The following BRK1 variants were observed in gnomAD, a reference collection of about 807,000 sequenced individuals.
BRK1 encodes the protein protein BRICK1.
In BRK1, 6 loss-of-function variants were observed where a neutral mutation model predicts 9.9. That is an observed-to-expected ratio of 0.60 (90% CI 0.33 to 1.19). The LOEUF (loss-of-function observed/expected upper bound fraction) is 1.19. Ranked by LOEUF, BRK1 falls within the 50% of genes most tolerant of loss-of-function variation. The pLI is 0.04. For synonymous variants in BRK1, 44 were observed against 31.9 expected, an observed-to-expected ratio of 1.38 and a Z score of -1.28; for missense variants, 62 against 97.5, an observed-to-expected ratio of 0.64 and a Z score of 1.53.
chr3:10,123,975 T>G (rs1362818924), intron 1 of BRK1, among the ~76,000 whole-genome samples: 2 of 150,876 alleles, frequency 1.3e-5, no homozygotes, highest in Non-Finnish European at 2.9e-5. Context: ...CCTCAGTTGA[T>G]CTGCCCACCT....
chr3:10,122,213 G>C (rs1329240162), intron 1 of BRK1, among the ~76,000 whole-genome samples: 2 of 151,918 alleles, frequency 1.3e-5, no homozygotes, highest in African/African-American at 4.8e-5. Flanking sequence ...ATGAGCCACC[G>C]CGCCTGGCCA....
chr3:10,126,098 C>T (rs1695835796), intron 2 of BRK1, among the ~76,000 whole-genome samples, 171 bp from the exon 3 acceptor site: 1 of 152,066 alleles, frequency 6.6e-6, no homozygotes, highest in Non-Finnish European at 1.5e-5. Flanking sequence ...CTCAAAAAAA[C>T]AAAAGAAGAG....
chr3:10,122,549 C>A lies in BRK1; in HGVS notation c.119-3077C>A, dbSNP rs57268864. 0.16 allele frequency among the ~76,000 whole-genome samples: 24,469 copies of A among 151,110 alleles called. 2,498 individuals carry two copies. Among genetic ancestry groups the A allele is most frequent in the African/African-American group, 0.29 (11,826 of 41,006 alleles). On this transcript the variant is annotated intron_variant, in intron 1 of 2. Coordinates refer to ENST00000530758, the MANE Select transcript of BRK1 (RefSeq NM_018462.5). ...AGTGAGACCCCCATATCTACCAAAA[C>A]AAAAAACAAAAAAATTAGCCAGGCA...
chr3:10,120,806 T>C (rs185255300), intron 1 of BRK1, among the ~76,000 whole-genome samples: 17 of 152,310 alleles, frequency 1.1e-4, no homozygotes, highest in African/African-American at 4.1e-4. Flanking sequence ...TGAATTCTAA[T>C]TCATTACCAG....
chr3:10,117,467 C>T (rs1230807485), intron 1 of BRK1, among the ~76,000 whole-genome samples: 2 of 146,762 alleles, frequency 1.4e-5, no homozygotes, highest in African/African-American at 5.1e-5. Flanking sequence ...GATCTCAGCT[C>T]ACTGCAACCT....
chr3:10,126,365 CT>C lies in BRK1; in HGVS notation c.*72del. The C allele has an allele frequency of 1.5e-6, 2 of 1,307,584 alleles. No homozygotes were observed. The highest frequency in any genetic ancestry group is 1.3e-5 in the South Asian group (1 of 75,014). 81.0% of individuals were successfully genotyped at this position (1,307,584 alleles called of 1,614,324 possible). A position where few individuals can be genotyped will look rare whatever the true frequency, so the allele number is the denominator to read the frequency against. The stretch of plus-strand genomic sequence containing the variant: ...GCCACATGGGAAAGGCCCCAGCAGC[CT>C]TCAGCTCCTTCCTTTCTCCTTAAAG... On this transcript the variant is annotated 3_prime_UTR_variant, in exon 3 of 3. Coordinates refer to ENST00000530758, the MANE Select transcript of BRK1 (RefSeq NM_018462.5).
rs1247790254 is a variant in BRK1 at position 10,126,838 on chromosome 3, AG to A, written c.*546del. 6.5e-6 allele frequency: 1 copy of A among 152,938 alleles called. No individual in the cohort carries two copies. The highest frequency in any genetic ancestry group is 1.5e-5 in the Non-Finnish European group (1 of 68,262). 9.5% of individuals were successfully genotyped at this position (152,938 alleles called of 1,614,324 possible). On this transcript the variant is annotated 3_prime_UTR_variant, in exon 3 of 3. Coordinates refer to ENST00000530758, the MANE Select transcript of BRK1 (RefSeq NM_018462.5). ...AAGGCCAGGCCCCCACTTGGCTTGAAGGGACATTTTCAGACTTTTCTTTCTG... is the reference window on the plus strand; with the variant it reads ...AAGGCCAGGCCCCCACTTGGCTTGAAGGACATTTTCAGACTTTTCTTTCTG...
intron 1 of BRK1, among the ~76,000 whole-genome samples, chr3:10,121,636 G>A (rs1407427838): frequency 1.3e-5 from 2 of 151,776 alleles, no homozygotes; most frequent in Non-Finnish European, 2.9e-5. Context: ...TTGTTCTAAC[G>A]GTGAAACAGA....
Position 10,116,447 on chromosome 3 carries a change from C to T in BRK1, c.118+628C>T, listed in dbSNP as rs187652997. Among the ~76,000 whole-genome samples, 4 of 152,244 alleles carry T rather than the reference C, an allele frequency of 2.6e-5. No individual in the cohort carries two copies. The East Asian group carries it at 5.8e-4, about 22-fold the overall frequency. ...ATATAGCTTATGGTAGGTGTTCTGT[C>T]TGCTTCTAGCCCATTCCTCAGAGCT... On this transcript the variant is annotated intron_variant, in intron 1 of 2. Coordinates refer to ENST00000530758, the MANE Select transcript of BRK1 (RefSeq NM_018462.5).
chr3:10,120,013 C>T (rs536802652), intron 1 of BRK1, among the ~76,000 whole-genome samples: 26 of 151,274 alleles, frequency 1.7e-4, no homozygotes, highest in African/African-American at 6.1e-4. Flanking sequence ...ACTACAAAAA[C>T]ATTCCAAAAG....
rs183664178 is a variant in BRK1 at position 10,126,071 on chromosome 3, G to T, written c.202-198G>T. ...ACACCACTGCACTCCAGCCTGGGTG[G>T]CAGAGTGAGACTCCATCTCAAAAAA... On this transcript the variant is annotated intron_variant, in intron 2 of 2. Coordinates refer to ENST00000530758, the MANE Select transcript of BRK1 (RefSeq NM_018462.5). Among the ~76,000 whole-genome samples the T allele has an allele frequency of 1.6e-3, 239 of 152,128 alleles. 1 individual carries two copies. Among genetic ancestry groups the T allele is most frequent in the Non-Finnish European group, 2.7e-3 (185 of 67,982 alleles).
In BRK1 at chr3:10,126,285, C is replaced by T; in HGVS notation, c.218C>T (p.Thr73Ile). Residue 73 changes from threonine (T) to isoleucine (I), a missense_variant, in exon 3 of 3, where the codon ACA becomes ATA. Coordinates refer to ENST00000530758, the MANE Select transcript of BRK1 (RefSeq NM_018462.5). ...YIEARVTKGE[T>I]LT Reference sequence around the variant, plus strand: ...CTTTCACAGGTGACAAAAGGTGAGACACTCACCTAGAACAGTGCCGTGCTG... The same window carrying T: ...CTTTCACAGGTGACAAAAGGTGAGATACTCACCTAGAACAGTGCCGTGCTG... The T allele has an allele frequency of 1.3e-6, 2 of 1,560,870 alleles. No individual in the cohort carries two copies. Among genetic ancestry groups the T allele is most frequent in the Non-Finnish European group, 1.7e-6 (2 of 1,156,450 alleles).
chr3:10,119,381 C>T (rs1050813697), intron 1 of BRK1, among the ~76,000 whole-genome samples: 1 of 151,940 alleles, frequency 6.6e-6, no homozygotes, highest in African/African-American at 2.4e-5. Flanking sequence ...TCACTTGAAC[C>T]CTGGAGGCAA....
At chr3:10,117,954 T>C (rs1695708517) in intron 1 of BRK1, among the ~76,000 whole-genome samples, 3 of 152,148 alleles carry the variant, frequency 2.0e-5, no homozygotes, top group Non-Finnish European at 2.9e-5. Context: ...CAGTTAGGTG[T>C]ACCTGAGGCA....
At chr3:10,125,804 G>A in intron 2 of BRK1, 96 bp downstream of exon 2, 1 of 892,322 alleles carries the variant, frequency 1.1e-6, no homozygotes, top group South Asian at 1.6e-5. Context: ...GGAAACTTAA[G>A]CACTGGCCGG....
rs1210132659 is a variant in BRK1, at chr3:10,127,024, G to A, written c.*729G>A. ...TTATTCTAACATAAAACTTTCAGAT[G>A]TAGCTGTTTGATTCAAAGCCTAGGT... is the stretch of plus-strand genomic sequence containing the variant. On this transcript the variant is annotated 3_prime_UTR_variant, in exon 3 of 3. Transcript: ENST00000530758. 2 of 152,620 alleles carry A rather than the reference G, an allele frequency of 1.3e-5. No individual in the cohort carries two copies. Among genetic ancestry groups the A allele is most frequent in the Non-Finnish European group, 2.9e-5 (2 of 68,048 alleles). 9.5% of individuals were successfully genotyped at this position (152,620 alleles called of 1,614,324 possible). A position where few individuals can be genotyped will look rare whatever the true frequency, so the allele number is the denominator to read the frequency against.
At chr3:10,121,281 T>C (rs546079773) in intron 1 of BRK1, among the ~76,000 whole-genome samples, 1 of 152,320 alleles carries the variant, frequency 6.6e-6, no homozygotes, top group South Asian at 2.1e-4. Flanking sequence ...TCTGTAAGTA[T>C]ACTAAAAACC....
intron 1 of BRK1, among the ~76,000 whole-genome samples, chr3:10,124,076 G>A (rs1695802652): frequency 1.3e-5 from 2 of 148,372 alleles, no homozygotes; most frequent in Admixed American, 1.3e-4. Flanking sequence ...TTCTTGCCAT[G>A]TCCCCTCTCT....
At chr3:10,120,349 C>G (rs1443759146) in intron 1 of BRK1, among the ~76,000 whole-genome samples, 1 of 152,152 alleles carries the variant, frequency 6.6e-6, no homozygotes, top group Non-Finnish European at 1.5e-5. Flanking sequence ...CACACACAAC[C>G]ATGCCCAGCT....
Sources: allele counts gnomAD v4.1 joint callset (sites outside exome capture counted in the v4.1 genomes callset), GRCh38; gene constraint gnomAD v4.1.1; transcripts MANE v1.5; gene names NCBI Gene and HGNC (gene_info 2026-07-23, HGNC 2026-07-21).